Variants in CTNNA3 observed in about 807,000 individuals in gnomAD.
The protein encoded by CTNNA3 is catenin alpha-3.
Under a neutral mutation model 95.7 loss-of-function variants are expected in CTNNA3, and 76 were observed. The ratio of observed to expected loss-of-function variants is 0.79; its 90% CI spans 0.66 to 0.96. The LOEUF is 0.96. Ranked by LOEUF, CTNNA3 falls within the 40% of genes least tolerant of loss-of-function variation. The probability of loss-of-function intolerance (pLI) is 0.00; values close to 1 mark genes in which losing one functional copy is unlikely to be tolerated. For missense variants in CTNNA3, 1,191 were observed against 1,089.8 expected (o/e 1.09, Z -1.31); for synonymous variants, 431 against 374.4 (o/e 1.15, Z -1.74).
At chr10:67,070,519 C>A (rs542807390) in intron 7 of CTNNA3, among the ~76,000 whole-genome samples, 4 of 152,154 alleles carry the variant, frequency 2.6e-5, no homozygotes, top group African/African-American at 9.6e-5. Flanking sequence ...GAGGCCAGGG[C>A]AGGCAGATAA....
chr10:67,086,133 T>C (rs2131893495), intron 7 of CTNNA3, among the ~76,000 whole-genome samples: 1 of 152,142 alleles, frequency 6.6e-6, no homozygotes, highest in Admixed American at 6.6e-5. Context: ...GATAGATAAA[T>C]GGATGAAGGG....
At chr10:66,919,301 A>C (rs1383926953) in intron 7 of CTNNA3, among the ~76,000 whole-genome samples, 3 of 152,150 alleles carry the variant, frequency 2.0e-5, no homozygotes, top group African/African-American at 4.8e-5. Context: ...TAGCCTCTCA[A>C]CTTTTGCGTA....
intron 5 of CTNNA3, among the ~76,000 whole-genome samples, chr10:67,467,579 T>C (rs1381368602): frequency 6.6e-6 from 1 of 152,210 alleles, no homozygotes; most frequent in Admixed American, 6.5e-5. Flanking sequence ...ATTTTCATTC[T>C]AAATACTCAT....
At chr10:66,114,659 T>C (rs1259831236) in intron 13 of CTNNA3, among the ~76,000 whole-genome samples, 1 of 151,774 alleles carries the variant, frequency 6.6e-6, no homozygotes, top group Non-Finnish European at 1.5e-5. Context: ...AGCAGGCAGA[T>C]CACGAGGTCA....
chr10:65,954,104 T>C (rs2077680867), intron 17 of CTNNA3, among the ~76,000 whole-genome samples: 1 of 152,354 alleles, frequency 6.6e-6, no homozygotes, highest in South Asian at 2.1e-4. Flanking sequence ...GGTATCTCAC[T>C]GTGGTTTTGA....
chr10:66,255,245 AC>A (rs1323658258), intron 13 of CTNNA3, among the ~76,000 whole-genome samples: 4 of 152,002 alleles, frequency 2.6e-5, no homozygotes, highest in Non-Finnish European at 5.9e-5. Context: ...CATGGTAGGC[AC>A]CCCCAGATAG....
At chr10:66,410,220 C>A (rs549840134) in intron 11 of CTNNA3, among the ~76,000 whole-genome samples, 199 of 152,226 alleles carry the variant, frequency 1.3e-3, no homozygotes, top group South Asian at 3.5e-3. Flanking sequence ...AAAGATCAGC[C>A]TTGACCTTGG....
chr10:67,106,881 A>T (rs1418122590), intron 7 of CTNNA3, among the ~76,000 whole-genome samples: 1 of 152,210 alleles, frequency 6.6e-6, no homozygotes, highest in Admixed American at 6.5e-5. Flanking sequence ...ATACATGAGT[A>T]TATGACATAG....
intron 15 of CTNNA3, among the ~76,000 whole-genome samples, chr10:66,001,412 A>T (rs1303116371): frequency 6.6e-6 from 1 of 152,120 alleles, no homozygotes; most frequent in African/African-American, 2.4e-5. Flanking sequence ...TTAGCTTTAG[A>T]TATAATCATT....
intron 7 of CTNNA3, among the ~76,000 whole-genome samples, chr10:66,885,693 C>T (rs1237148272): frequency 1.3e-5 from 2 of 152,060 alleles, no homozygotes; most frequent in African/African-American, 4.8e-5. Flanking sequence ...TATTTTAGCC[C>T]TCTTGTGCAT....
chr10:67,389,052 A>G (rs1844328603), intron 5 of CTNNA3, among the ~76,000 whole-genome samples: 2 of 151,250 alleles, frequency 1.3e-5, no homozygotes, highest in Non-Finnish European at 3.0e-5. Context: ...TCAAATTCAC[A>G]CATAACAATA....
At chr10:66,449,248 G>C (rs1341143443) in intron 11 of CTNNA3, among the ~76,000 whole-genome samples, 1 of 152,086 alleles carries the variant, frequency 6.6e-6, no homozygotes, top group Non-Finnish European at 1.5e-5. Flanking sequence ...TGAATCCACA[G>C]ATTACGGGAA....
intron 1 of CTNNA3, among the ~76,000 whole-genome samples, chr10:67,748,130 T>C (rs1841383302): frequency 6.6e-6 from 1 of 152,142 alleles, no homozygotes; most frequent in South Asian, 2.1e-4. Flanking sequence ...TATGATTTAT[T>C]GGAGTACCTG....
intron 11 of CTNNA3, among the ~76,000 whole-genome samples, chr10:66,406,645 C>G (rs1291589882): frequency 1.2e-4 from 18 of 152,122 alleles, no homozygotes; most frequent in Non-Finnish European, 2.4e-4. Flanking sequence ...TCATTACCTT[C>G]ATTCTTATCA....
At chr10:67,373,368 GA>G (rs757112768) in intron 5 of CTNNA3, among the ~76,000 whole-genome samples, 4 of 152,174 alleles carry the variant, frequency 2.6e-5, no homozygotes, top group Non-Finnish European at 4.4e-5. Flanking sequence ...AAGATCAAAA[GA>G]GACAAAGAAG....
intron 1 of CTNNA3, among the ~76,000 whole-genome samples, chr10:67,744,965 T>A (rs1249348341): frequency 5.9e-5 from 9 of 151,904 alleles, no homozygotes; most frequent in African/African-American, 2.2e-4. Flanking sequence ...TGAGATACCA[T>A]CTCACACCAG....
At chr10:67,307,095 T>A (rs181083718) in intron 5 of CTNNA3, among the ~76,000 whole-genome samples, 53 of 152,318 alleles carry the variant, frequency 3.5e-4, no homozygotes, top group Middle Eastern at 3.4e-3. Context: ...AACTCTGGCA[T>A]TATGCTTTAA....
chr10:66,486,210 T>C (rs900805072), intron 11 of CTNNA3, among the ~76,000 whole-genome samples: 2 of 152,140 alleles, frequency 1.3e-5, no homozygotes, highest in South Asian at 2.1e-4. Flanking sequence ...AAAATGGGAT[T>C]ACATCAAACT....
chr10:67,623,034 G>A lies in CTNNA3; in HGVS notation c.100-15985C>T, dbSNP rs1472754337. ...AACGTGCCCTACAAGAACACTCTAT[G>A]TGTGCAGACTTCCTTTTGAGATTTC... On this transcript the variant is annotated intron_variant, in intron 2 of 17. Coordinates refer to ENST00000433211, the MANE Select transcript of CTNNA3 (RefSeq NM_013266.4). 2.0e-5 allele frequency among the ~76,000 whole-genome samples: 3 copies of A among 152,136 alleles called. No homozygotes were observed. In the East Asian group the frequency reaches 5.8e-4, roughly 29 times the overall value.
Sources: allele counts gnomAD v4.1 joint callset (sites outside exome capture counted in the v4.1 genomes callset), GRCh38; gene constraint gnomAD v4.1.1; transcripts MANE v1.5; gene names NCBI Gene and HGNC (gene_info 2026-07-23, HGNC 2026-07-21).